The following POU2F2 variants were observed in gnomAD, a reference collection of about 807,000 sequenced individuals.
POU2F2 encodes POU domain, class 2, transcription factor 2.
Under a neutral mutation model 63.5 loss-of-function variants are expected in POU2F2, and 14 were observed. The observed-to-expected ratio is 0.22, with a 90% CI of 0.15 to 0.34. POU2F2 has a LOEUF of 0.34. Among genes scored for constraint, POU2F2 ranks in the 10% least tolerant of loss-of-function variants. The probability of loss-of-function intolerance (pLI) is 1.00; values close to 1 mark genes in which losing one functional copy is unlikely to be tolerated. For missense variants in POU2F2, 607 were observed against 815.2 expected (o/e 0.74, Z 3.11); for synonymous variants, 306 against 348.6 (o/e 0.88, Z 1.36).
Position 42,096,194 on chromosome 19 carries a change from G to T in POU2F2, c.617C>A (p.Pro206His). ...LPDPHLSHPQ[P>H]PKCLEPPSHP... ...GGATGGTGGCTCCAAGCATTTGGGG[G>T]GCTGCGGGTGCGAGAGGTGCGGGTC... The change falls in exon 8 of 15, where the codon CCC (proline) becomes CAC (histidine). Residue 206 changes from proline to histidine, a missense_variant. Physicochemically the swap from Pro to His is moderately conservative, Grantham distance 77 (BLOSUM62 -2). This residue lies in a region of POU2F2 where 224 missense variants were observed against 264.3 expected (regional missense o/e 0.85). Transcript: ENST00000692977. This position sits in a 1 kb window ranked among gnomAD's most constrained non-coding sequence, Gnocchi z 4.1. 1 of 1,613,020 alleles carries T rather than the reference G, an allele frequency of 6.2e-7. No homozygotes were observed. The highest frequency in any genetic ancestry group is 2.2e-5 in the East Asian group (1 of 44,862).
intron 2 of POU2F2, among the ~76,000 whole-genome samples, chr19:42,143,963 G>C (rs548288010): frequency 6.6e-6 from 1 of 152,012 alleles, no homozygotes; most frequent in Non-Finnish European, 1.5e-5. Context: ...CTCGTGTCAC[G>C]TGCTTGTTTA....
intron 1 of POU2F2, among the ~76,000 whole-genome samples, chr19:42,125,236 C>T (rs975079047): frequency 6.6e-6 from 1 of 151,890 alleles, no homozygotes; most frequent in Non-Finnish European, 1.5e-5. Flanking sequence ...GTGGTGGGCA[C>T]CTACAGTCCC....
At chr19:42,110,112 A>G (rs1182044803) in intron 5 of POU2F2, among the ~76,000 whole-genome samples, 4 of 139,678 alleles carry the variant, frequency 2.9e-5, no homozygotes, top group African/African-American at 1.1e-4. Flanking sequence ...TTTTTTTTTT[A>G]CTTATCCAGA....
chr19:42,171,134 T>G (rs2034756364), intron 1 of POU2F2, among the ~76,000 whole-genome samples: 1 of 152,216 alleles, frequency 6.6e-6, no homozygotes, highest in South Asian at 2.1e-4. Context: ...AGGGCGACCC[T>G]CCCCTCAGCA....
At chr19:42,194,698 A>G (rs552807567) in intron 1 of POU2F2, among the ~76,000 whole-genome samples, 245 of 131,278 alleles carry the variant, frequency 1.9e-3, no homozygotes, top group African/African-American at 5.4e-3. Context: ...GGTGGAGGTT[A>G]CAGTGAGCCG....
intron 5 of POU2F2, among the ~76,000 whole-genome samples, chr19:42,100,340 T>C (rs1288253169): frequency 6.6e-6 from 1 of 151,982 alleles, no homozygotes; most frequent in Non-Finnish European, 1.5e-5. Flanking sequence ...CTGTCCGCCT[T>C]GGCCTCCCAA....
intron 12 of POU2F2, among the ~76,000 whole-genome samples, chr19:42,093,004 TA>T (rs1435995760): frequency 0.016 from 1,611 of 98,870 alleles, 20 homozygotes; most frequent in South Asian, 0.034. Context: ...TATATATATA[TA>T]TATATTTTTT....
intron 1 of POU2F2, among the ~76,000 whole-genome samples, chr19:42,193,087 G>A (rs1220852585): frequency 4.0e-5 from 6 of 151,588 alleles, no homozygotes; most frequent in South Asian, 2.1e-4. Flanking sequence ...ATAGCCGGGC[G>A]TGGTGGTGGG....
chr19:42,134,763 G>C (rs1182681508), upstream of POU2F2: 2 of 152,214 alleles, frequency 1.3e-5, no homozygotes, highest in Non-Finnish European at 2.9e-5. Context: ...AGACGTAGGG[G>C]GCTCCCCAGG....
Position 42,095,303 on chromosome 19 carries a change from T to C in POU2F2, c.1180A>G (p.Ser394Gly), listed in dbSNP as rs1255608412. 1.2e-6 allele frequency: 2 copies of C among 1,613,498 alleles called. No individual in the cohort carries two copies. Among genetic ancestry groups the C allele is most frequent in the Admixed American group, 3.3e-5 (2 of 59,996 alleles). ...PMLPSPGKPASYSPHMVTPQG... is the reference protein window; with the variant it reads ...PMLPSPGKPAGYSPHMVTPQG... ...CTTGGTACCATATGGGGGCTGTAGC[T>C]GGCCGGCTTCCCTGGGCTGGGCAGC... The change falls in exon 11 of 15, where the codon AGC (serine) becomes GGC (glycine). Residue 394 changes from serine (S) to glycine (G), a missense_variant. Ser to Gly is a moderately conservative substitution (Grantham distance 56). Transcript: ENST00000692977. This position sits in a 1 kb window ranked among gnomAD's most constrained non-coding sequence, Gnocchi z 7.1.
At chr19:42,157,552 C>T (rs954323178) in intron 2 of POU2F2, 1 of 152,272 alleles carries the variant, frequency 6.6e-6, no homozygotes, top group Non-Finnish European at 1.5e-5. Flanking sequence ...CTTATTTATT[C>T]ATTCAGCTCA....
chr19:42,121,028 C>T (rs1326670838), intron 4 of POU2F2, among the ~76,000 whole-genome samples: 3 of 152,080 alleles, frequency 2.0e-5, no homozygotes, highest in Non-Finnish European at 2.9e-5. Context: ...GGACAGAGCC[C>T]GAGGCCAGGA....
upstream of POU2F2, among the ~76,000 whole-genome samples, chr19:42,179,789 G>A (rs1211311341): frequency 6.6e-6 from 1 of 152,132 alleles, no homozygotes; most frequent in African/African-American, 2.4e-5. Context: ...GGCGTACAAA[G>A]TAAGTACCCA....
chr19:42,185,117 T>G (rs1033834109), intron 1 of POU2F2, among the ~76,000 whole-genome samples: 1 of 152,158 alleles, frequency 6.6e-6, no homozygotes, highest in Non-Finnish European at 1.5e-5. Context: ...TTTACTTCAT[T>G]AATATTAAAA....
intron 5 of POU2F2, among the ~76,000 whole-genome samples, chr19:42,105,783 C>T (rs928622440): frequency 1.3e-5 from 2 of 152,226 alleles, no homozygotes; most frequent in Admixed American, 6.5e-5. Context: ...GTTCCCTCTA[C>T]ATCTCTTCCT....
At chr19:42,103,841 G>T (rs1462036327) in intron 5 of POU2F2, among the ~76,000 whole-genome samples, 2 of 151,768 alleles carry the variant, frequency 1.3e-5, no homozygotes, top group African/African-American at 4.8e-5. Context: ...CACCGTGTTA[G>T]CCAGGATGGT....
chr19:42,121,467 G>A (rs904042377), intron 4 of POU2F2, among the ~76,000 whole-genome samples: 1 of 152,134 alleles, frequency 6.6e-6, no homozygotes, highest in African/African-American at 2.4e-5. Flanking sequence ...GAGCAAAGCT[G>A]TAGCAGGGTG....
intron 5 of POU2F2, chr19:42,116,898 G>A (rs778044776): frequency 2.8e-5 from 14 of 492,976 alleles, no homozygotes; most frequent in East Asian, 1.1e-4. Flanking sequence ...CGGCGGCAGC[G>A]GCGTTAGCGG....
At chr19:42,105,472 T>A (rs958096227) in intron 5 of POU2F2, among the ~76,000 whole-genome samples, 1 of 152,144 alleles carries the variant, frequency 6.6e-6, no homozygotes, top group Non-Finnish European at 1.5e-5. Context: ...ACCCTTAGCT[T>A]GTTGATTAAA....
Sources: allele counts gnomAD v4.1 joint callset (sites outside exome capture counted in the v4.1 genomes callset), GRCh38; gene constraint gnomAD v4.1.1; regional missense constraint gnomAD v4.1.1; non-coding constraint Gnocchi (gnomAD v3.1); transcripts MANE v1.5; gene names NCBI Gene and HGNC (gene_info 2026-07-23, HGNC 2026-07-21).